Variants in PDZD8 observed in about 807,000 individuals in gnomAD.
PDZD8 encodes PDZ domain-containing protein 8.
PDZD8 carries 14 observed loss-of-function variants against 85.8 expected under a neutral mutation model. The observed-to-expected ratio is 0.16, with a 90% CI of 0.11 to 0.26. The LOEUF is 0.26. PDZD8 is among the 10% of genes least tolerant of loss of function. The pLI is 1.00. For missense variants in PDZD8, 1,197 were observed against 1,424.3 expected (o/e 0.84, Z 2.57); for synonymous variants, 592 against 568.6 (o/e 1.04, Z -0.59).
chr10:117,353,335 G>A (rs1175639404), intron 1 of PDZD8, among the ~76,000 whole-genome samples: 1 of 152,128 alleles, frequency 6.6e-6, no homozygotes, highest in Non-Finnish European at 1.5e-5. Flanking sequence ...CCTTCCCAGT[G>A]CAGTTTGATG....
chr10:117,300,806 A>G (rs1482585217), intron 3 of PDZD8, among the ~76,000 whole-genome samples: 1 of 152,138 alleles, frequency 6.6e-6, no homozygotes, highest in Non-Finnish European at 1.5e-5. Context: ...CCATGTGAGG[A>G]CATAGGGAAA....
Position 117,283,844 on chromosome 10 carries a change from G to A in PDZD8, c.2889C>T (p.Leu963=), listed in dbSNP as rs770692074. 1.9e-6 allele frequency: 3 copies of A among 1,614,176 alleles called. No individual in the cohort carries two copies. Among genetic ancestry groups the A allele is most frequent in the Non-Finnish European group, 2.5e-6 (3 of 1,180,038 alleles). ...GTGTGTGTTTTGGTGAAGGTTCTAC[G>A]AGATCGGTTCCTGGTTCAGAAAGGC... The part of the protein sequence containing the change: ...KTRLSEPGTD[L]VEPSPKHTPN... Residue 963 remains leucine, a synonymous_variant, in exon 5 of 5, where the codon CTC becomes CTT. Transcript: ENST00000334464.
At chr10:117,337,028 G>A (rs1844527566) in intron 2 of PDZD8, among the ~76,000 whole-genome samples, 1 of 151,780 alleles carries the variant, frequency 6.6e-6, no homozygotes, top group African/African-American at 2.4e-5. Context: ...GGTGGAGCTT[G>A]CAGTGAGCCG....
Position 117,280,833 on chromosome 10 carries a change from C to T in PDZD8, c.*2435G>A, listed in dbSNP as rs1844565195. ...ATAAAACCAAAGTTTTGCATTATTTCAACAGCTCTTTCAAATGCATCAGTT... is the reference window on the plus strand; with the variant it reads ...ATAAAACCAAAGTTTTGCATTATTTTAACAGCTCTTTCAAATGCATCAGTT... On this transcript the variant is annotated 3_prime_UTR_variant, in exon 5 of 5. Transcript: ENST00000334464. 3.9e-5 allele frequency: 6 copies of T among 152,128 alleles called. No homozygotes were observed. 9.4% of individuals were successfully genotyped at this position (152,128 alleles called of 1,614,324 possible). A position where few individuals can be genotyped will look rare whatever the true frequency, so the allele number is the denominator to read the frequency against.
intron 2 of PDZD8, among the ~76,000 whole-genome samples, chr10:117,322,064 A>T (rs1812998310): frequency 6.6e-6 from 1 of 152,148 alleles, no homozygotes; most frequent in African/African-American, 2.4e-5. Context: ...ATTGTTACTG[A>T]TTCGTTCAAT....
At chr10:117,330,561 T>C in intron 2 of PDZD8, among the ~76,000 whole-genome samples, 1 of 152,296 alleles carries the variant, frequency 6.6e-6, no homozygotes, top group African/African-American at 2.4e-5. Context: ...CCCCTGCCTA[T>C]TAACTCATCC....
chr10:117,375,161 A>C lies in PDZD8; in HGVS notation c.67T>G (p.Phe23Val), dbSNP rs751990284. The C allele has an allele frequency of 1.9e-6, 3 of 1,586,758 alleles. No homozygotes were observed. Among genetic ancestry groups the C allele is most frequent in the Admixed American group, 3.4e-5 (2 of 58,210 alleles). Reference protein sequence around the residue: ...LGSFLTLLAQFFLLYRRQPEP... With the variant: ...LGSFLTLLAQVFLLYRRQPEP... ...GGCTGTCTGCGGTACAGCAGGAAGA[A>C]CTGGGCGAGGAGCGTGAGGAAGGAA... Residue 23 changes from phenylalanine to valine, a missense_variant, in exon 1 of 5, where the codon TTC becomes GTC. Physicochemically the swap from Phe to Val is conservative, Grantham distance 50. This residue lies in a region of PDZD8 where 172 missense variants were observed against 137.8 expected (regional missense o/e 1.25). Coordinates refer to ENST00000334464, the MANE Select transcript of PDZD8 (RefSeq NM_173791.5).
In PDZD8 at chr10:117,281,453, G is replaced by GA. The variant is rs1385428609; in HGVS notation, c.*1814dup. 1 of 147,818 alleles carries GA rather than the reference G, an allele frequency of 6.8e-6. No homozygotes were observed. The highest frequency in any genetic ancestry group is 1.5e-5 in the Non-Finnish European group (1 of 67,340). The allele number at this position is 147,818 out of a possible 1,614,324, so 9.2% of individuals were successfully genotyped here. A position where few individuals can be genotyped will look rare whatever the true frequency, so the allele number is the denominator to read the frequency against. On this transcript the variant is annotated 3_prime_UTR_variant, in exon 5 of 5. Transcript: ENST00000334464. ...ATGTTTTTGTTATAAACTTGGCTAA[G>GA]AAAGGTATTTAGTACCTGAAATTTT...
chr10:117,322,956 C>T (rs1228093550), intron 2 of PDZD8, among the ~76,000 whole-genome samples: 5 of 152,092 alleles, frequency 3.3e-5, no homozygotes, highest in African/African-American at 1.2e-4. Context: ...CTGGGAGACC[C>T]AAGACTCAAG....
At position 117,279,824 on chromosome 10, in the gene PDZD8, G is replaced by A. The variant is rs151068798; in HGVS notation, c.*3444C>T. 6.6e-6 allele frequency: 1 copy of A among 152,276 alleles called. No individual in the cohort carries two copies. The highest frequency in any genetic ancestry group is 1.9e-4 in the East Asian group (1 of 5,188). The allele number at this position is 152,276 out of a possible 1,614,324, so 9.4% of individuals were successfully genotyped here. On this transcript the variant is annotated 3_prime_UTR_variant, in exon 5 of 5. Transcript: ENST00000334464. ...GTGTGCCCATGGGTATCTTCCTGCG[G>A]TGAAAGTCCACATCTTTAATCAGAT...
intron 3 of PDZD8, among the ~76,000 whole-genome samples, chr10:117,298,432 C>A (rs142166376): frequency 2.0e-5 from 3 of 151,806 alleles, no homozygotes; most frequent in African/African-American, 7.3e-5. Flanking sequence ...CTTAATATAC[C>A]AAATTTTAGA....
In PDZD8 at chr10:117,279,549, G is replaced by C. The variant is rs1844549174; in HGVS notation, c.*3719C>G. ...ATTTTTCTGTGCTTGTAGGCATCAG[G>C]TAAAAGCCACCCCAGGTTAGCTTGA... On this transcript the variant is annotated 3_prime_UTR_variant, in exon 5 of 5. Coordinates refer to ENST00000334464, the MANE Select transcript of PDZD8 (RefSeq NM_173791.5). The C allele has an allele frequency of 6.6e-6, 1 of 152,144 alleles. No homozygotes were observed. Among genetic ancestry groups the C allele is most frequent in the Non-Finnish European group, 1.5e-5 (1 of 68,038 alleles). The allele number at this position is 152,144 out of a possible 1,614,324, so 9.4% of individuals were successfully genotyped here. A position where few individuals can be genotyped will look rare whatever the true frequency, so the allele number is the denominator to read the frequency against.
chr10:117,297,650 T>A (rs905536944), intron 3 of PDZD8, among the ~76,000 whole-genome samples: 2 of 152,128 alleles, frequency 1.3e-5, no homozygotes, highest in African/African-American at 4.8e-5. Context: ...AGCCTATAAG[T>A]TGAAAATATT....
intron 1 of PDZD8, among the ~76,000 whole-genome samples, chr10:117,342,567 T>C (rs1228897773): frequency 6.6e-6 from 1 of 152,258 alleles, no homozygotes; most frequent in Admixed American, 6.5e-5. Context: ...AACCTCTGCC[T>C]CCTTGATTCA....
chr10:117,350,255 TG>T (rs56171140), intron 1 of PDZD8, among the ~76,000 whole-genome samples: 27,852 of 140,022 alleles, frequency 0.2, 3,453 homozygotes, highest in Middle Eastern at 0.32. Context: ...CTGTTTTTTT[TG>T]TTTGTTTGTT....
Position 117,284,688 on chromosome 10 carries a change from G to A in PDZD8, c.2045C>T (p.Ser682Leu). The A allele has an allele frequency of 6.2e-7, 1 of 1,614,222 alleles. No individual in the cohort carries two copies. Among genetic ancestry groups the A allele is most frequent in the Non-Finnish European group, 8.5e-7 (1 of 1,180,026 alleles). Residue 682 changes from serine (S) to leucine (L), a missense_variant, in exon 5 of 5, where the codon TCA (serine) becomes TTA (leucine). Around this residue, in one of 4 missense-constraint regions of PDZD8, gnomAD observed 418 missense variants for 571.1 expected, o/e 0.73. Transcript: ENST00000334464. Reference protein sequence around the residue: ...SSDDRQTWESSEILYRNKLGK... With the variant: ...SSDDRQTWESLEILYRNKLGK... Reference sequence around the variant, plus strand: ...TAGCTTATTACGATAAAGAATTTCTGATGATTCCCATGTTTGACGGTCGTC... The same window carrying A: ...TAGCTTATTACGATAAAGAATTTCTAATGATTCCCATGTTTGACGGTCGTC...
intron 3 of PDZD8, among the ~76,000 whole-genome samples, chr10:117,308,399 G>A (rs756830116): frequency 1.9e-4 from 29 of 152,100 alleles, no homozygotes; most frequent in Non-Finnish European, 3.5e-4. Flanking sequence ...AAGGGAGTGA[G>A]TGTAGGGGAT....
intron 3 of PDZD8, among the ~76,000 whole-genome samples, chr10:117,299,247 C>A (rs555996470): frequency 3.7e-4 from 57 of 152,262 alleles, no homozygotes; most frequent in Non-Finnish European, 6.9e-4. Context: ...AAAATCTGAT[C>A]CCTCACAGTC....
chr10:117,329,603 G>A (rs1204226156), intron 2 of PDZD8, among the ~76,000 whole-genome samples: 1 of 152,042 alleles, frequency 6.6e-6, no homozygotes, highest in Admixed American at 6.6e-5. Context: ...ATGAGAAAAG[G>A]AAAGTAATTC....
Sources: gnomAD v4.1 joint callset for allele counts (sites outside exome capture counted in the v4.1 genomes callset) on GRCh38, gnomAD v4.1.1 for gene constraint, gnomAD v4.1.1 regional missense constraint, MANE v1.5 for transcripts, NCBI Gene and HGNC (gene_info 2026-07-23, HGNC 2026-07-21) for gene names.